Variants in LRP2 observed in about 807,000 individuals in gnomAD.
LRP2 encodes low-density lipoprotein receptor-related protein 2.
A neutral mutation model predicts 531.0 loss-of-function variants in LRP2; 172 were observed. That is an observed-to-expected ratio of 0.32 (90% CI 0.29 to 0.37). The LOEUF (loss-of-function observed/expected upper bound fraction) is 0.37. Among genes scored for constraint, LRP2 ranks in the 10% least tolerant of loss-of-function variants. The pLI is 1.00. For missense variants in LRP2, 5,167 were observed against 5,868.3 expected (o/e 0.88, Z 3.90); for synonymous variants, 1,992 against 2,027.6 (o/e 0.98, Z 0.47).
intron 34 of LRP2, among the ~76,000 whole-genome samples, chr2:169,217,224 TCTC>T (rs1285430601): frequency 6.6e-6 from 1 of 152,126 alleles, no homozygotes; most frequent in Non-Finnish European, 1.5e-5. Flanking sequence ...AACAGACAAT[TCTC>T]CTACATTCTT....
At chr2:169,136,625 C>T (rs983508905) in intron 76 of LRP2, among the ~76,000 whole-genome samples, 1 of 149,824 alleles carries the variant, frequency 6.7e-6, no homozygotes, top group South Asian at 2.2e-4. Flanking sequence ...AAACTCCCCC[C>T]CACTGAGCAC....
chr2:169,189,855 G>T (rs554970242), intron 48 of LRP2, among the ~76,000 whole-genome samples: 1 of 149,656 alleles, frequency 6.7e-6, no homozygotes, highest in African/African-American at 2.5e-5. Context: ...GAAAGCTCAA[G>T]GAAAAAAAGA....
In LRP2 at chr2:169,204,165, T is replaced by C. The variant is rs921656316; in HGVS notation, c.7822A>G (p.Thr2608Ala). ...LTLYGQYIYWTDLYTQRIYRA... is the reference protein window; with the variant it reads ...LTLYGQYIYWADLYTQRIYRA... ...TAAATTCTTTGTGTGTACAAGTCAG[T>C]CCAGTAAATATACTGGCCATAGAGA... The change falls in exon 42 of 79, where the codon ACT becomes GCT. Residue 2608 changes from threonine (T) to alanine (A), a missense_variant. By Grantham distance (58) the Thr-to-Ala change is moderately conservative. Around this residue, in one of 6 missense-constraint regions of LRP2, gnomAD observed 1,129 missense variants for 1,362.7 expected, o/e 0.83. Transcript: ENST00000649046. 4 of 1,613,968 alleles carry C rather than the reference T, an allele frequency of 2.5e-6. No individual in the cohort carries two copies. The highest frequency in any genetic ancestry group is 3.4e-6 in the Non-Finnish European group (4 of 1,179,996).
intron 59 of LRP2, 84 bp downstream of exon 59, chr2:169,170,467 C>T (rs777279978): frequency 7.5e-5 from 79 of 1,058,028 alleles, no homozygotes; most frequent in Non-Finnish European, 6.7e-5. Flanking sequence ...TAATTTTCCT[C>T]TAAAAGCCTT....
At position 169,231,839 on chromosome 2, in the gene LRP2, A is replaced by G; in HGVS notation, c.5102T>C (p.Val1701Ala). 3 of 1,614,016 alleles carry G rather than the reference A, an allele frequency of 1.9e-6. No homozygotes were observed. The highest frequency in any genetic ancestry group is 2.5e-6 in the Non-Finnish European group (3 of 1,179,928). Residue 1701 changes from valine to alanine, a missense_variant, in exon 31 of 79, where the codon GTG becomes GCG. Coordinates refer to ENST00000649046, the MANE Select transcript of LRP2 (RefSeq NM_004525.3). ...GCAGCGGGAAAAGGCACATGGATTC[A>G]CGGCTGCATGAGAAAGAGAAGAAAG... ...AVHPSKQPNS[V>A]NPCAFSRCSH...
chr2:169,166,122 A>T (rs1686773562), intron 61 of LRP2, 68 bp from the exon 62 acceptor site: 2 of 1,542,768 alleles, frequency 1.3e-6, no homozygotes, highest in South Asian at 2.2e-5. Flanking sequence ...TATCTAAAAT[A>T]CTCCAGTGTC....
At chr2:169,257,958 A>G (rs1404810181) in intron 17 of LRP2, among the ~76,000 whole-genome samples, 5 of 152,220 alleles carry the variant, frequency 3.3e-5, no homozygotes, top group African/African-American at 1.2e-4. Context: ...ATATCATTTT[A>G]AACAAAAGAG....
At chr2:169,327,128 G>A in intron 1 of LRP2, among the ~76,000 whole-genome samples, 1 of 144,422 alleles carries the variant, frequency 6.9e-6, no homozygotes, top group African/African-American at 2.5e-5. Context: ...CATCCGGGAG[G>A]GAGGTGGGGG....
intron 16 of LRP2, among the ~76,000 whole-genome samples, chr2:169,262,037 G>T (rs370625614): frequency 2.4e-4 from 36 of 151,964 alleles, no homozygotes; most frequent in Non-Finnish European, 4.4e-4. Context: ...TTTGACAAAA[G>T]TCAACAACCC....
Position 169,201,822 on chromosome 2 carries a change from C to T in LRP2, c.8258G>A (p.Cys2753Tyr), listed in dbSNP as rs137909125. 7 of 1,614,100 alleles carry T rather than the reference C, an allele frequency of 4.3e-6. No homozygotes were observed. Among genetic ancestry groups the T allele is most frequent in the Non-Finnish European group, 5.9e-6 (7 of 1,180,042 alleles). ...ATCACAGCGGTAAGAGTATTGGACA[C>T]ATCGCCCATTGGCACAGGTGAAGGC... ...PTAFTCANGR[C>Y]VQYSYRCDYY... The change falls in exon 44 of 79, where the codon TGT (cysteine) becomes TAT (tyrosine). Residue 2753 changes from cysteine to tyrosine, a missense_variant. This residue lies in a region of LRP2 where 1,129 missense variants were observed against 1,362.7 expected (regional missense o/e 0.83). Coordinates refer to ENST00000649046, the MANE Select transcript of LRP2 (RefSeq NM_004525.3).
intron 23 of LRP2, 24 bp downstream of exon 23, chr2:169,243,379 T>C (rs1346873694): frequency 3.1e-6 from 5 of 1,613,348 alleles, no homozygotes; most frequent in African/African-American, 1.3e-5. Context: ...ACATTGTGAA[T>C]AAAAAAGAAG....
At chr2:169,347,146 A>C (rs1449292813) in intron 1 of LRP2, among the ~76,000 whole-genome samples, 1 of 152,162 alleles carries the variant, frequency 6.6e-6, no homozygotes, top group East Asian at 1.9e-4. Flanking sequence ...TCTGACAAAC[A>C]TTTACTGTGC....
At chr2:169,327,932 T>C (rs1574262193) in intron 1 of LRP2, among the ~76,000 whole-genome samples, 1 of 65,182 alleles carries the variant, frequency 1.5e-5, no homozygotes, top group Non-Finnish European at 2.9e-5. Context: ...AGGAGGGAGG[T>C]GGGGGCGTCA....
At chr2:169,179,004 T>TATTTA (rs966706070) in intron 52 of LRP2, among the ~76,000 whole-genome samples, 8 of 151,504 alleles carry the variant, frequency 5.3e-5, no homozygotes, top group Non-Finnish European at 1.0e-4. Flanking sequence ...TTTATTTATT[T>TATTTA]ATTTATTTAT....
At chr2:169,308,013 C>G (rs1415307807) in intron 3 of LRP2, among the ~76,000 whole-genome samples, 1 of 152,038 alleles carries the variant, frequency 6.6e-6, no homozygotes, top group Non-Finnish European at 1.5e-5. Context: ...GAACTGATGC[C>G]CGCAAGCATG....
intron 18 of LRP2, among the ~76,000 whole-genome samples, chr2:169,256,800 A>G (rs1690321850): frequency 6.6e-6 from 1 of 152,174 alleles, no homozygotes; most frequent in East Asian, 1.9e-4. Context: ...CAGTTCAACA[A>G]ATCTGTACCC....
At chr2:169,266,776 G>A (rs1191773783) in intron 16 of LRP2, among the ~76,000 whole-genome samples, 1 of 151,692 alleles carries the variant, frequency 6.6e-6, no homozygotes, top group Admixed American at 6.6e-5. Flanking sequence ...GGCTGCTTGA[G>A]TATGAAAAAC....
chr2:169,193,140 C>T (rs1300547726), intron 47 of LRP2, among the ~76,000 whole-genome samples: 1 of 152,104 alleles, frequency 6.6e-6, no homozygotes, highest in African/African-American at 2.4e-5. Flanking sequence ...TTAAGAGTGG[C>T]CAACCACTGG....
intron 48 of LRP2, among the ~76,000 whole-genome samples, chr2:169,189,520 C>T (rs1054065098): frequency 7.2e-5 from 11 of 152,134 alleles, no homozygotes; most frequent in African/African-American, 2.7e-4. Context: ...AGCAAATCAC[C>T]AAGCTTTCAG....
Sources: gnomAD v4.1 joint callset for allele counts (sites outside exome capture counted in the v4.1 genomes callset) on GRCh38, gnomAD v4.1.1 for gene constraint, gnomAD v4.1.1 regional missense constraint, MANE v1.5 for transcripts, NCBI Gene and HGNC (gene_info 2026-07-23, HGNC 2026-07-21) for gene names.